The following FBXW2 variants were observed in gnomAD, a reference collection of about 807,000 sequenced individuals.
FBXW2 encodes F-box and WD repeat domain containing 2, also known as F-box/WD repeat-containing protein 2.
FBXW2 carries 12 observed loss-of-function variants against 46.0 expected under a neutral mutation model. That is an observed-to-expected ratio of 0.26 (90% CI 0.17 to 0.42). FBXW2 has a LOEUF of 0.42. Among genes scored for constraint, FBXW2 ranks in the 10% least tolerant of loss-of-function variants. The probability of loss-of-function intolerance (pLI) is 1.00; values close to 1 mark genes in which losing one functional copy is unlikely to be tolerated. For missense variants in FBXW2, 360 were observed against 537.0 expected (o/e 0.67, Z 3.26); for synonymous variants, 203 against 209.6 (o/e 0.97, Z 0.27).
chr9:120,789,924 G>T (rs149649367), intron 2 of FBXW2, among the ~76,000 whole-genome samples: 4 of 152,104 alleles, frequency 2.6e-5, no homozygotes, highest in Non-Finnish European at 2.9e-5. Context: ...CCAAAGTTTG[G>T]GCTAGAGAAG....
rs931820908 is a variant in FBXW2, at chr9:120,762,473, A to G, written c.*2086T>C. 54 of 152,246 alleles carry G rather than the reference A, an allele frequency of 3.5e-4. No individual in the cohort carries two copies. The highest frequency in any genetic ancestry group is 1.3e-3 in the African/African-American group (53 of 41,454). The allele number at this position is 152,246 out of a possible 1,614,324, so 9.4% of individuals were successfully genotyped here. A position where few individuals can be genotyped will look rare whatever the true frequency, so the allele number is the denominator to read the frequency against. On this transcript the variant is annotated 3_prime_UTR_variant, in exon 8 of 8. Transcript: ENST00000608872. ...CTAGAGTACTAAGCAGAGCTGATGC[A>G]CAGAACTCAATGTGAGATAGATTAA... is the stretch of plus-strand genomic sequence containing the variant.
In FBXW2 at chr9:120,764,866, G is replaced by C. The variant is rs1382397263; in HGVS notation, c.1077-19C>G. ...GATGACCCTACAAGGATGAGAGTTA[G>C]GGACTGTGAAAGAAGGCAACCTTGC... is the stretch of plus-strand genomic sequence containing the variant. On this transcript the variant is annotated intron_variant, in intron 7 of 7. Transcript: ENST00000608872. 1.3e-6 allele frequency: 2 copies of C among 1,518,876 alleles called. No homozygotes were observed. The highest frequency in any genetic ancestry group is 2.3e-5 in the East Asian group (1 of 44,016). The allele number at this position is 1,518,876 out of a possible 1,614,324, so 94.1% of individuals were successfully genotyped here. A position where few individuals can be genotyped will look rare whatever the true frequency, so the allele number is the denominator to read the frequency against.
intron 3 of FBXW2, among the ~76,000 whole-genome samples, chr9:120,786,818 A>T (rs1187118770): frequency 1.3e-5 from 2 of 152,238 alleles, no homozygotes; most frequent in Admixed American, 1.3e-4. Context: ...GGCATTAGTT[A>T]TAATCATATA....
chr9:120,772,060 G>GAAAAAAAAAA (rs59520792), intron 6 of FBXW2, among the ~76,000 whole-genome samples: 2 of 51,302 alleles, frequency 3.9e-5, no homozygotes, highest in African/African-American at 1.4e-4. Context: ...CCCTGTCTCA[G>GAAAAAAAAAA]AAAAAAAAAA....
intron 3 of FBXW2, among the ~76,000 whole-genome samples, chr9:120,785,012 A>ATT (rs112462348): frequency 3.5e-5 from 5 of 142,880 alleles, no homozygotes; most frequent in African/African-American, 1.0e-4. Flanking sequence ...GCATCTTAAT[A>ATT]TTTTTTTTTT....
At chr9:120,770,945 T>C (rs2044364385) in intron 7 of FBXW2, among the ~76,000 whole-genome samples, 1 of 152,224 alleles carries the variant, frequency 6.6e-6, no homozygotes, top group South Asian at 2.1e-4. Flanking sequence ...GGTCACTTGA[T>C]CCCTAGATAC....
Position 120,758,567 on chromosome 9 carries a change from T to C in FBXW2, c.*5992A>G, listed in dbSNP as rs554700982. ...GGCAGCAGTCGGGATTTGAAGAGAC[T>C]TGAAATACAGAAAGAACAGACAAAC... On this transcript the variant is annotated 3_prime_UTR_variant, in exon 8 of 8. Transcript: ENST00000608872. The C allele has an allele frequency of 1.3e-5, 2 of 152,316 alleles. No individual in the cohort carries two copies. The highest frequency in any genetic ancestry group is 4.1e-4 in the South Asian group (2 of 4,822). The allele number at this position is 152,316 out of a possible 1,614,324, so 9.4% of individuals were successfully genotyped here.
chr9:120,772,132 T>A (rs1429581571), intron 6 of FBXW2, among the ~76,000 whole-genome samples: 1 of 151,032 alleles, frequency 6.6e-6, no homozygotes. Context: ...TTGCAATTCA[T>A]TACAATAAAT....
chr9:120,775,494 C>T (rs2131320574), intron 5 of FBXW2, among the ~76,000 whole-genome samples: 1 of 152,324 alleles, frequency 6.6e-6, no homozygotes, highest in South Asian at 2.1e-4. Flanking sequence ...TTGCTTACTC[C>T]TGTTTTCTCA....
chr9:120,784,812 T>C (rs1197229335), intron 3 of FBXW2, among the ~76,000 whole-genome samples: 2 of 149,902 alleles, frequency 1.3e-5, no homozygotes, highest in Non-Finnish European at 3.0e-5. Context: ...TGCCAGCTAC[T>C]GAGGAAGCTG....
At chr9:120,768,633 C>G (rs1258314975) in intron 7 of FBXW2, among the ~76,000 whole-genome samples, 6 of 152,040 alleles carry the variant, frequency 3.9e-5, no homozygotes, top group Non-Finnish European at 1.5e-5. Context: ...CCAGCCTGGC[C>G]AACAGGATGA....
At chr9:120,789,663 G>A (rs920053653) in intron 2 of FBXW2, among the ~76,000 whole-genome samples, 13 of 152,104 alleles carry the variant, frequency 8.5e-5, no homozygotes, top group Admixed American at 8.5e-4. Context: ...ATGTGAAAAA[G>A]GAAAGTTAAT....
rs1021102109 is a variant in FBXW2 at position 120,758,467 on chromosome 9, G to T, written c.*6092C>A. Reference sequence around the variant, plus strand: ...GAACAAGAGCAAGTAAGTGCTCAAAGAAGTGGTTGGGGAGACTCCCTGGAA... The same window carrying T: ...GAACAAGAGCAAGTAAGTGCTCAAATAAGTGGTTGGGGAGACTCCCTGGAA... On this transcript the variant is annotated 3_prime_UTR_variant, in exon 8 of 8. Coordinates refer to ENST00000608872, the MANE Select transcript of FBXW2 (RefSeq NM_012164.4). 3.3e-5 allele frequency: 5 copies of T among 152,422 alleles called. No homozygotes were observed. The highest frequency in any genetic ancestry group is 6.5e-5 in the Admixed American group (1 of 15,306). 9.4% of individuals were successfully genotyped at this position (152,422 alleles called of 1,614,324 possible). A position where few individuals can be genotyped will look rare whatever the true frequency, so the allele number is the denominator to read the frequency against.
intron 7 of FBXW2, among the ~76,000 whole-genome samples, chr9:120,765,930 C>A (rs978182173): frequency 6.6e-6 from 1 of 152,040 alleles, no homozygotes; most frequent in East Asian, 1.9e-4. Flanking sequence ...AACAGCAGCA[C>A]AAAGGAAAAC....
intron 7 of FBXW2, among the ~76,000 whole-genome samples, chr9:120,770,201 C>T (rs1054585315): frequency 6.6e-6 from 1 of 152,024 alleles, no homozygotes; most frequent in Non-Finnish European, 1.5e-5. Flanking sequence ...ACAGTGAAAC[C>T]CCGTCTCTAC....
intron 3 of FBXW2, among the ~76,000 whole-genome samples, chr9:120,784,100 A>G (rs963511213): frequency 6.6e-6 from 1 of 152,208 alleles, no homozygotes; most frequent in Admixed American, 6.5e-5. Context: ...GCACAGCGTA[A>G]TTTTAAATAT....
At chr9:120,769,580 C>T (rs1478849172) in intron 7 of FBXW2, among the ~76,000 whole-genome samples, 3 of 152,142 alleles carry the variant, frequency 2.0e-5, no homozygotes, top group Non-Finnish European at 2.9e-5. Context: ...AATTTTAATT[C>T]AAAACAAAAA....
chr9:120,779,396 G>C lies in FBXW2; in HGVS notation c.491-851C>G, dbSNP rs939108696. Among the ~76,000 whole-genome samples, 18 of 152,282 alleles carry C rather than the reference G, an allele frequency of 1.2e-4. No individual in the cohort carries two copies. In the East Asian group the frequency reaches 3.5e-3, roughly 29 times the overall value. On this transcript the variant is annotated intron_variant, in intron 3 of 7. Transcript: ENST00000608872. Reference sequence around the variant, plus strand: ...ACAGTATCCTAGGAAAGCACCAAATGACCAGTTTTTAAAAAGCTGAAATGA... The same window carrying C: ...ACAGTATCCTAGGAAAGCACCAAATCACCAGTTTTTAAAAAGCTGAAATGA...
chr9:120,786,308 T>C (rs1347153390), intron 3 of FBXW2, among the ~76,000 whole-genome samples: 1 of 152,048 alleles, frequency 6.6e-6, no homozygotes, highest in African/African-American at 2.4e-5. Context: ...AGTGAGTGAG[T>C]TCTCTCCAGA....
Sources: allele counts gnomAD v4.1 joint callset (sites outside exome capture counted in the v4.1 genomes callset), GRCh38; gene constraint gnomAD v4.1.1; transcripts MANE v1.5; gene names NCBI Gene and HGNC (gene_info 2026-07-23, HGNC 2026-07-21).